SPAG16: variants seen among roughly 807,000 people sequenced by gnomAD.
SPAG16 encodes sperm-associated antigen 16 protein.
Under a neutral mutation model 80.4 loss-of-function variants are expected in SPAG16, and 86 were observed. That is an observed-to-expected ratio of 1.07 (90% CI 0.90 to 1.28). The LOEUF (loss-of-function observed/expected upper bound fraction) is 1.28, where lower values mean the gene tolerates loss of function less well. Ranked by LOEUF, SPAG16 falls within the 50% of genes most tolerant of loss-of-function variation. The pLI, the probability that SPAG16 is intolerant of heterozygous loss-of-function variation, is 0.00. For synonymous variants in SPAG16, 294 were observed against 265.9 expected (o/e 1.11, Z -1.03); for missense variants, 870 against 765.3 (o/e 1.14, Z -1.61).
At chr2:214,227,778 T>G (rs1305812526) in intron 15 of SPAG16, among the ~76,000 whole-genome samples, 1 of 151,580 alleles carries the variant, frequency 6.6e-6, no homozygotes, top group African/African-American at 2.4e-5. Context: ...CCTATCTTAT[T>G]ATTTTCTTCC....
At chr2:213,398,740 ATC>A in intron 9 of SPAG16, among the ~76,000 whole-genome samples, 1 of 152,170 alleles carries the variant, frequency 6.6e-6, no homozygotes, top group South Asian at 2.1e-4. Flanking sequence ...TATCTTACAT[ATC>A]TCTCATATGC....
chr2:214,055,918 A>G (rs576198056), intron 13 of SPAG16, among the ~76,000 whole-genome samples: 41 of 150,420 alleles, frequency 2.7e-4, no homozygotes, highest in African/African-American at 8.8e-4. Context: ...AAAAATCAAT[A>G]AATTGGAAAA....
intron 13 of SPAG16, among the ~76,000 whole-genome samples, chr2:214,076,133 G>C (rs1034896707): frequency 6.6e-6 from 1 of 152,072 alleles, no homozygotes; most frequent in African/African-American, 2.4e-5. Flanking sequence ...TAAATGAATA[G>C]TAAACAGTGA....
chr2:213,829,823 C>T (rs1294397156), intron 10 of SPAG16, among the ~76,000 whole-genome samples: 1 of 152,124 alleles, frequency 6.6e-6, no homozygotes, highest in Non-Finnish European at 1.5e-5. Flanking sequence ...AGAATAAGGG[C>T]CTCATGACTT....
chr2:214,109,012 C>G (rs1293846003), intron 14 of SPAG16, among the ~76,000 whole-genome samples: 1 of 152,058 alleles, frequency 6.6e-6, no homozygotes, highest in Non-Finnish European at 1.5e-5. Flanking sequence ...CTGGCGCCCT[C>G]CCTCCTGAAT....
intron 12 of SPAG16, among the ~76,000 whole-genome samples, chr2:213,974,227 G>A (rs2045238463): frequency 6.6e-6 from 1 of 152,040 alleles, no homozygotes; most frequent in Admixed American, 6.6e-5. Context: ...AAGCTTTTAA[G>A]CAAAGAAATG....
At chr2:214,325,061 C>T (rs1696380016) in intron 15 of SPAG16, among the ~76,000 whole-genome samples, 1 of 152,046 alleles carries the variant, frequency 6.6e-6, no homozygotes. Context: ...GTTTAGCTTC[C>T]CAAACTTACT....
chr2:213,645,279 C>T (rs964801209), intron 10 of SPAG16, among the ~76,000 whole-genome samples: 6 of 151,468 alleles, frequency 4.0e-5, no homozygotes. Context: ...AGGGCAGGTC[C>T]AGAAACATCA....
intron 12 of SPAG16, among the ~76,000 whole-genome samples, chr2:213,941,992 A>G (rs2079215568): frequency 6.6e-6 from 1 of 152,192 alleles, no homozygotes; most frequent in African/African-American, 2.4e-5. Flanking sequence ...CACTCACTGC[A>G]ACAATTCTTT....
In SPAG16 at chr2:213,542,531, TA is replaced by T. The variant is rs566898787; in HGVS notation, c.1070+52442del. 5.3e-4 allele frequency among the ~76,000 whole-genome samples: 81 copies of T among 152,262 alleles called. 3 individuals carry two copies. The South Asian group carries it at 0.017, about 31-fold the overall frequency. On this transcript the variant is annotated intron_variant, in intron 10 of 15. Coordinates refer to ENST00000331683, the MANE Select transcript of SPAG16 (RefSeq NM_024532.5). ...ATTGCATTACCACAAGTTTTTCAAT[TA>T]CTTACCCTCACTGATGTCACTAATT...
chr2:214,130,875 A>T (rs141402376), intron 14 of SPAG16, among the ~76,000 whole-genome samples: 10 of 152,136 alleles, frequency 6.6e-5, no homozygotes, highest in Admixed American at 6.6e-4. Flanking sequence ...AGGAACTTCC[A>T]TTTCTCCTTG....
At chr2:213,562,936 C>G (rs1575985494) in intron 10 of SPAG16, among the ~76,000 whole-genome samples, 2 of 152,298 alleles carry the variant, frequency 1.3e-5, no homozygotes, top group Middle Eastern at 6.8e-3. Context: ...CATGAGGGCT[C>G]TGCCCTCATC....
chr2:214,167,365 T>C (rs1180376815), intron 15 of SPAG16, among the ~76,000 whole-genome samples: 8 of 152,120 alleles, frequency 5.3e-5, no homozygotes, highest in Non-Finnish European at 7.4e-5. Flanking sequence ...GTTACCACAA[T>C]GCTGCCAATA....
At chr2:213,931,458 T>A (rs1039060270) in intron 12 of SPAG16, among the ~76,000 whole-genome samples, 2 of 152,244 alleles carry the variant, frequency 1.3e-5, no homozygotes, top group Non-Finnish European at 2.9e-5. Flanking sequence ...CTGGATTTCA[T>A]AAATATTTTT....
intron 12 of SPAG16, among the ~76,000 whole-genome samples, chr2:213,947,472 G>A (rs1316880425): frequency 6.6e-6 from 1 of 152,114 alleles, no homozygotes; most frequent in Non-Finnish European, 1.5e-5. Context: ...GTACATACTT[G>A]CCACCTATAT....
intron 10 of SPAG16, among the ~76,000 whole-genome samples, chr2:213,815,014 C>G (rs781650820): frequency 1.3e-5 from 2 of 151,832 alleles, no homozygotes; most frequent in Non-Finnish European, 2.9e-5. Flanking sequence ...TATAAACAGA[C>G]GATTCAAAAA....
intron 10 of SPAG16, among the ~76,000 whole-genome samples, chr2:213,680,253 G>A (rs1019918433): frequency 2.0e-5 from 3 of 152,104 alleles, no homozygotes; most frequent in Non-Finnish European, 2.9e-5. Context: ...TAGTCCCTTT[G>A]ATAAGGAGCC....
intron 10 of SPAG16, among the ~76,000 whole-genome samples, chr2:213,492,422 C>T (rs1446975465): frequency 4.6e-5 from 7 of 151,694 alleles, no homozygotes; most frequent in African/African-American, 9.7e-5. Flanking sequence ...TGGTGGTGGG[C>T]GCCTGTAGTC....
intron 10 of SPAG16, among the ~76,000 whole-genome samples, chr2:213,721,745 C>G (rs926946625): frequency 6.6e-6 from 1 of 151,938 alleles, no homozygotes. Flanking sequence ...TTAGTAACTT[C>G]AAGATTACTA....
Sources: gnomAD v4.1 joint callset for allele counts (sites outside exome capture counted in the v4.1 genomes callset) on GRCh38, gnomAD v4.1.1 for gene constraint, MANE v1.5 for transcripts, NCBI Gene and HGNC (gene_info 2026-07-23, HGNC 2026-07-21) for gene names.